HOOK3: variants seen among roughly 807,000 people sequenced by gnomAD.
HOOK3 encodes the protein hook microtubule tethering protein 3.
In HOOK3, 24 loss-of-function variants were observed where a neutral mutation model predicts 116.3. The observed-to-expected ratio is 0.21, with a 90% confidence interval of 0.15 to 0.29. The LOEUF is 0.29. Ranked by LOEUF, HOOK3 falls within the 10% of genes least tolerant of loss-of-function variation. The probability of loss-of-function intolerance (pLI) is 1.00; values close to 1 mark genes in which losing one functional copy is unlikely to be tolerated. For synonymous variants in HOOK3, 275 were observed against 283.0 expected (o/e 0.97, Z 0.28); for missense variants, 632 against 830.2 (o/e 0.76, Z 2.93).
intron 4 of HOOK3, among the ~76,000 whole-genome samples, chr8:42,936,960 G>A (rs1305765019): frequency 6.6e-6 from 1 of 152,172 alleles, no homozygotes; most frequent in Non-Finnish European, 1.5e-5. Flanking sequence ...GTTTCAGAAG[G>A]AATGGTACCA....
intron 8 of HOOK3, among the ~76,000 whole-genome samples, chr8:42,961,740 T>C (rs547078630): frequency 6.6e-6 from 1 of 152,310 alleles, no homozygotes; most frequent in East Asian, 1.9e-4. Flanking sequence ...ACTAGGTTTT[T>C]GTTATAAGCC....
chr8:42,943,157 G>A (rs1219106052), intron 4 of HOOK3, among the ~76,000 whole-genome samples, 156 bp from the exon 5 acceptor site: 1 of 151,940 alleles, frequency 6.6e-6, no homozygotes, highest in African/African-American at 2.4e-5. Context: ...TTATGATTTA[G>A]GTATGGGAGG....
chr8:42,955,014 G>A (rs1027377680), intron 6 of HOOK3, among the ~76,000 whole-genome samples: 1 of 152,180 alleles, frequency 6.6e-6, no homozygotes, highest in Admixed American at 6.5e-5. Flanking sequence ...CTGCTGGCTG[G>A]GGAAAACAGC....
intron 8 of HOOK3, among the ~76,000 whole-genome samples, chr8:42,962,897 G>A (rs547059762): frequency 6.7e-6 from 1 of 148,976 alleles, no homozygotes; most frequent in Admixed American, 6.8e-5. Flanking sequence ...TGCCTCCCAG[G>A]TTCAAGCTAT....
intron 4 of HOOK3, among the ~76,000 whole-genome samples, chr8:42,942,771 A>C (rs1043368245): frequency 6.6e-6 from 1 of 152,186 alleles, no homozygotes; most frequent in South Asian, 2.1e-4. Context: ...TGAGTGGTAC[A>C]TTTCACTGTA....
At chr8:42,903,255 C>G (rs1807230355) in intron 1 of HOOK3, among the ~76,000 whole-genome samples, 1 of 151,810 alleles carries the variant, frequency 6.6e-6, no homozygotes, top group South Asian at 2.1e-4. Context: ...TTCCCTGGGC[C>G]TCTACCACCA....
At chr8:42,976,038 A>ATGTG (rs1386325481) in intron 13 of HOOK3, among the ~76,000 whole-genome samples, 8 of 139,420 alleles carry the variant, frequency 5.7e-5, no homozygotes, top group Non-Finnish European at 9.2e-5. Context: ...GTGTATATAT[A>ATGTG]TATGTGTGTG....
chr8:42,942,778 T>G (rs574769488), intron 4 of HOOK3, among the ~76,000 whole-genome samples: 2 of 152,336 alleles, frequency 1.3e-5, no homozygotes, highest in African/African-American at 4.8e-5. Context: ...TACATTTCAC[T>G]GTAGGATTGT....
intron 1 of HOOK3, among the ~76,000 whole-genome samples, chr8:42,899,862 G>A (rs993858402): frequency 6.6e-6 from 1 of 152,168 alleles, no homozygotes; most frequent in Non-Finnish European, 1.5e-5. Context: ...TTCAAGTTTT[G>A]AAGATCATAA....
intron 9 of HOOK3, among the ~76,000 whole-genome samples, chr8:42,965,076 T>A (rs988543283): frequency 2.6e-5 from 4 of 152,204 alleles, no homozygotes; most frequent in African/African-American, 9.6e-5. Flanking sequence ...GAGGAAACTT[T>A]CAAGAAAGAC....
intron 2 of HOOK3, among the ~76,000 whole-genome samples, chr8:42,919,536 G>A (rs1216947623): frequency 1.3e-5 from 2 of 152,084 alleles, no homozygotes; most frequent in Non-Finnish European, 1.5e-5. Context: ...CTTCCTAGAC[G>A]GGGTGGCGGC....
At chr8:42,918,879 C>G (rs1187725873) in intron 2 of HOOK3, among the ~76,000 whole-genome samples, 1 of 152,246 alleles carries the variant, frequency 6.6e-6, no homozygotes, top group Non-Finnish European at 1.5e-5. Flanking sequence ...TCCCCCTTTT[C>G]TATTCGACAA....
intron 15 of HOOK3, among the ~76,000 whole-genome samples, chr8:42,994,873 C>T (rs556878057): frequency 1.3e-5 from 2 of 152,316 alleles, no homozygotes; most frequent in African/African-American, 2.4e-5. Flanking sequence ...ATGATGTTTA[C>T]AATGGCTTCC....
At position 42,897,157 on chromosome 8, in the gene HOOK3, G is replaced by A; in HGVS notation, c.26G>A (p.Arg9Gln). The A allele has an allele frequency of 1.6e-6, 2 of 1,249,032 alleles. No individual in the cohort carries two copies. The highest frequency in any genetic ancestry group is 2.0e-6 in the Non-Finnish European group (2 of 991,382). The allele number at this position is 1,249,032 out of a possible 1,614,324, so 77.4% of individuals were successfully genotyped here. A position where few individuals can be genotyped will look rare whatever the true frequency, so the allele number is the denominator to read the frequency against. Residue 9 changes from arginine (R) to glutamine (Q), a missense_variant, in exon 1 of 22, where the codon CGG becomes CAG. Physicochemically the swap from Arg to Gln is conservative, Grantham distance 43. This residue lies in a region of HOOK3 where 141 missense variants were observed against 150.8 expected (regional missense o/e 0.93). Coordinates refer to ENST00000307602, the MANE Select transcript of HOOK3 (RefSeq NM_032410.4). ...ATGTTCAGCGTAGAGTCGCTGGAGC[G>A]GGCGGAGCTGTGCGAGAGCCTCCTC... MFSVESLE[R>Q]AELCESLLTW...
intron 14 of HOOK3, among the ~76,000 whole-genome samples, chr8:42,984,308 C>T (rs1486688951): frequency 1.3e-5 from 2 of 149,662 alleles, no homozygotes; most frequent in Admixed American, 6.7e-5. Context: ...GCAGAGGTTG[C>T]GGTGAGCCGA....
intron 17 of HOOK3, among the ~76,000 whole-genome samples, chr8:43,006,624 A>G (rs1809496861): frequency 6.6e-6 from 1 of 152,126 alleles, no homozygotes; most frequent in Non-Finnish European, 1.5e-5. Context: ...TGCCCAGCCA[A>G]TTTCTATTTT....
chr8:43,017,230 G>A (rs1809740963), intron 21 of HOOK3, among the ~76,000 whole-genome samples: 1 of 152,134 alleles, frequency 6.6e-6, no homozygotes, highest in South Asian at 2.1e-4. Context: ...AGTCATTGGT[G>A]AGATTAAACA....
intron 15 of HOOK3, among the ~76,000 whole-genome samples, chr8:42,990,389 G>A (rs1809137620): frequency 8.5e-6 from 1 of 117,906 alleles, no homozygotes; most frequent in African/African-American, 3.3e-5. Flanking sequence ...CACCCAGGCT[G>A]GAATGCAGTG....
chr8:42,924,295 T>G (rs1475753781), intron 2 of HOOK3, among the ~76,000 whole-genome samples: 1 of 152,054 alleles, frequency 6.6e-6, no homozygotes, highest in Non-Finnish European at 1.5e-5. Flanking sequence ...ATGCTGGGTT[T>G]GAAAAGTTTT....
Sources: gnomAD v4.1 joint callset for allele counts (sites outside exome capture counted in the v4.1 genomes callset) on GRCh38, gnomAD v4.1.1 for gene constraint, gnomAD v4.1.1 regional missense constraint, MANE v1.5 for transcripts, NCBI Gene and HGNC (gene_info 2026-07-23, HGNC 2026-07-21) for gene names.